ZBTB7C: variants seen among roughly 807,000 people sequenced by gnomAD.
The protein encoded by ZBTB7C is zinc finger and BTB domain-containing protein 7C.
Under a neutral mutation model 25.7 loss-of-function variants are expected in ZBTB7C, and 8 were observed. The ratio of observed to expected loss-of-function variants is 0.31; its 90% CI spans 0.18 to 0.56. The LOEUF is 0.56. ZBTB7C is among the 20% of genes least tolerant of loss of function. The pLI is 0.91. For missense variants in ZBTB7C, 824 were observed against 855.2 expected, an observed-to-expected ratio of 0.96 and a Z score of 0.46; for synonymous variants, 394 against 369.0, an observed-to-expected ratio of 1.07 and a Z score of -0.78.
intron 3 of ZBTB7C, among the ~76,000 whole-genome samples, chr18:48,042,756 T>TAA (rs59369310): frequency 0.17 from 25,945 of 152,074 alleles, 2,789 homozygotes; most frequent in African/African-American, 0.31. Flanking sequence ...TTCTCATCTT[T>TAA]AAAAGGGCCA....
At chr18:48,163,792 A>C (rs1362354020) in intron 3 of ZBTB7C, among the ~76,000 whole-genome samples, 1 of 152,246 alleles carries the variant, frequency 6.6e-6, no homozygotes, top group Non-Finnish European at 1.5e-5. Context: ...CTTTGAGTCC[A>C]TTTCACGAAT....
chr18:48,190,016 G>A (rs1177563568), intron 2 of ZBTB7C, among the ~76,000 whole-genome samples: 1 of 152,130 alleles, frequency 6.6e-6, no homozygotes, highest in South Asian at 2.1e-4. Context: ...CTGCTGTCGT[G>A]GGGAGAAACA....
At chr18:48,227,023 A>T (rs2043117823) in intron 2 of ZBTB7C, among the ~76,000 whole-genome samples, 1 of 148,858 alleles carries the variant, frequency 6.7e-6, no homozygotes, top group Admixed American at 6.6e-5. Flanking sequence ...CCATCTCAAA[A>T]AAAAAAAAAA....
chr18:48,131,647 T>C (rs1369352441), intron 3 of ZBTB7C, among the ~76,000 whole-genome samples: 2 of 152,142 alleles, frequency 1.3e-5, no homozygotes, highest in East Asian at 3.9e-4. Flanking sequence ...AATAGAGTAC[T>C]CAGCCATACA....
At chr18:48,397,144 C>T (rs2048046678) in intron 1 of ZBTB7C, among the ~76,000 whole-genome samples, 1 of 152,150 alleles carries the variant, frequency 6.6e-6, no homozygotes, top group African/African-American at 2.4e-5. Context: ...TTGTTTAAGG[C>T]TAAAATGGAA....
At chr18:48,125,812 C>T (rs2039780722) in intron 3 of ZBTB7C, among the ~76,000 whole-genome samples, 1 of 152,228 alleles carries the variant, frequency 6.6e-6, no homozygotes, top group African/African-American at 2.4e-5. Context: ...AGACACTGTA[C>T]AGCAGATAAA....
At chr18:48,227,197 C>T (rs907385178) in intron 2 of ZBTB7C, among the ~76,000 whole-genome samples, 4 of 152,198 alleles carry the variant, frequency 2.6e-5, no homozygotes, top group Admixed American at 2.0e-4. Context: ...CAAGCATCCA[C>T]GAACTGAAAG....
chr18:48,195,224 A>G (rs1368497692), intron 2 of ZBTB7C, among the ~76,000 whole-genome samples: 1 of 152,106 alleles, frequency 6.6e-6, no homozygotes, highest in Non-Finnish European at 1.5e-5. Flanking sequence ...TGTTTCTATT[A>G]TTATTTCTTA....
Position 48,035,145 on chromosome 18 carries a change from G to C in ZBTB7C, c.1208+4755C>G, listed in dbSNP as rs189176704. 2.0e-5 allele frequency among the ~76,000 whole-genome samples: 3 copies of C among 152,370 alleles called. No individual in the cohort carries two copies. In the East Asian group the frequency reaches 5.8e-4, roughly 29 times the overall value. ...ATCTGGAGAGCAGGCAGCTGTGGGG[G>C]CACAAAGGTGGTCAGCATTCGGCTG... On this transcript the variant is annotated intron_variant, in intron 4 of 4. Coordinates refer to ENST00000590800, the MANE Select transcript of ZBTB7C (RefSeq NM_001318841.2).
intron 3 of ZBTB7C, chr18:48,041,531 AG>A: frequency 1.0e-6 from 1 of 985,448 alleles, no homozygotes; most frequent in Non-Finnish European, 1.2e-6. Context: ...AGGACCTCTC[AG>A]TGCTTCTGCT....
intron 3 of ZBTB7C, among the ~76,000 whole-genome samples, chr18:48,153,872 C>A (rs2040754470): frequency 6.6e-6 from 1 of 152,200 alleles, no homozygotes; most frequent in South Asian, 2.1e-4. Flanking sequence ...CTCAGTCCTT[C>A]CCCTCTCAGG....
intron 2 of ZBTB7C, among the ~76,000 whole-genome samples, chr18:48,272,074 T>C (rs377230616): frequency 6.6e-6 from 1 of 152,236 alleles, no homozygotes; most frequent in East Asian, 1.9e-4. Flanking sequence ...AATTTTTTTA[T>C]GTGTCAACTT....
chr18:48,274,286 G>C (rs1411241094), intron 2 of ZBTB7C, among the ~76,000 whole-genome samples: 1 of 152,146 alleles, frequency 6.6e-6, no homozygotes, highest in Non-Finnish European at 1.5e-5. Context: ...TGTGCTGCAT[G>C]GTTTATTTGT....
intron 3 of ZBTB7C, among the ~76,000 whole-genome samples, chr18:48,114,972 G>A (rs2039379675): frequency 6.6e-6 from 1 of 151,964 alleles, no homozygotes. Flanking sequence ...ATAATTCTGT[G>A]GCATTAATTA....
At chr18:48,156,360 C>A (rs2040841266) in intron 3 of ZBTB7C, among the ~76,000 whole-genome samples, 1 of 151,224 alleles carries the variant, frequency 6.6e-6, no homozygotes, top group African/African-American at 2.5e-5. Context: ...TAGGTGTCTT[C>A]ACTAACCCAC....
chr18:48,210,238 C>A (rs918701217), intron 2 of ZBTB7C, among the ~76,000 whole-genome samples: 3 of 152,146 alleles, frequency 2.0e-5, no homozygotes, highest in Non-Finnish European at 2.9e-5. Context: ...AATGGCACAA[C>A]CACTTTGGAA....
At chr18:48,209,135 G>A (rs2042645454) in intron 2 of ZBTB7C, among the ~76,000 whole-genome samples, 1 of 152,204 alleles carries the variant, frequency 6.6e-6, no homozygotes, top group African/African-American at 2.4e-5. Context: ...AGGGGTCTCA[G>A]CTAATGCAGT....
intron 3 of ZBTB7C, among the ~76,000 whole-genome samples, chr18:48,119,095 G>A (rs1338336270): frequency 1.3e-5 from 2 of 152,040 alleles, no homozygotes; most frequent in Non-Finnish European, 1.5e-5. Flanking sequence ...CCCATCCTCA[G>A]GGTTTCTGAT....
rs116868140 is a variant in ZBTB7C, at chr18:48,049,330, C to T, written c.-16-8207G>A. ...AATGGGGAAGTAATTGCATGGATCTCGCCGAGTGGTATGTGAGTGGAATGA... is the reference window on the plus strand; with the variant it reads ...AATGGGGAAGTAATTGCATGGATCTTGCCGAGTGGTATGTGAGTGGAATGA... On this transcript the variant is annotated intron_variant, in intron 3 of 4. Coordinates refer to ENST00000590800, the MANE Select transcript of ZBTB7C (RefSeq NM_001318841.2). 4.2e-3 allele frequency among the ~76,000 whole-genome samples: 644 copies of T among 152,210 alleles called. 4 individuals carry two copies. The highest frequency in any genetic ancestry group is 7.3e-3 in the Non-Finnish European group (494 of 68,030).
Sources: gnomAD v4.1 joint callset for allele counts (sites outside exome capture counted in the v4.1 genomes callset) on GRCh38, gnomAD v4.1.1 for gene constraint, MANE v1.5 for transcripts, NCBI Gene and HGNC (gene_info 2026-07-23, HGNC 2026-07-21) for gene names.